Variants in NCAM2 observed in about 807,000 individuals in gnomAD.
NCAM2 encodes neural cell adhesion molecule 2.
NCAM2 carries 30 observed loss-of-function variants against 98.1 expected under a neutral mutation model. The ratio of observed to expected loss-of-function variants is 0.31; its 90% CI spans 0.23 to 0.41. The LOEUF is 0.41. Among genes scored for constraint, NCAM2 ranks in the 10% least tolerant of loss-of-function variants. The pLI, the probability that NCAM2 is intolerant of heterozygous loss-of-function variation, is 1.00. For missense variants in NCAM2, 867 were observed against 1,005.8 expected (o/e 0.86, Z 1.87); for synonymous variants, 368 against 342.4 (o/e 1.07, Z -0.83).
intron 1 of NCAM2, among the ~76,000 whole-genome samples, chr21:21,123,399 CAAA>C (rs35636443): frequency 1.4e-5 from 2 of 143,242 alleles, no homozygotes; most frequent in Non-Finnish European, 1.5e-5. Context: ...GACTCCCTCT[CAAA>C]AAAAAAAAAA....
At chr21:21,051,024 C>T (rs1020565263) in intron 1 of NCAM2, among the ~76,000 whole-genome samples, 1 of 152,126 alleles carries the variant, frequency 6.6e-6, no homozygotes, top group South Asian at 2.1e-4. Flanking sequence ...CACTTGGTGT[C>T]CACCGTGATA....
chr21:21,468,992 G>T (rs1404087759), intron 14 of NCAM2, among the ~76,000 whole-genome samples: 3 of 151,584 alleles, frequency 2.0e-5, no homozygotes, highest in African/African-American at 7.3e-5. Context: ...TATTCTCATG[G>T]TTTTCATCTT....
chr21:21,424,680 C>G (rs886265653), intron 11 of NCAM2, among the ~76,000 whole-genome samples: 2 of 151,930 alleles, frequency 1.3e-5, no homozygotes, highest in African/African-American at 4.8e-5. Context: ...ATGAGAAGAC[C>G]AGTGTTGGTA....
At chr21:21,524,637 G>A (rs1325298858) in intron 16 of NCAM2, among the ~76,000 whole-genome samples, 3 of 151,948 alleles carry the variant, frequency 2.0e-5, no homozygotes, top group Admixed American at 6.6e-5. Context: ...CAGTAAGGAC[G>A]TTGCTTAACC....
At chr21:21,188,288 A>C (rs996730525) in intron 1 of NCAM2, among the ~76,000 whole-genome samples, 1 of 152,182 alleles carries the variant, frequency 6.6e-6, no homozygotes, top group Non-Finnish European at 1.5e-5. Flanking sequence ...TGCAATAGAT[A>C]ATAAATACTT....
intron 1 of NCAM2, among the ~76,000 whole-genome samples, chr21:21,173,798 T>C (rs982552899): frequency 1.3e-5 from 2 of 152,218 alleles, no homozygotes; most frequent in Non-Finnish European, 2.9e-5. Flanking sequence ...TTTTTATCAA[T>C]GAGACCTTTG....
intron 1 of NCAM2, among the ~76,000 whole-genome samples, chr21:21,074,744 T>C (rs2065643693): frequency 1.3e-5 from 2 of 152,204 alleles, no homozygotes; most frequent in South Asian, 4.1e-4. Flanking sequence ...TCTTTTCTTC[T>C]TGTCTGGTCT....
At chr21:21,361,799 A>G (rs1045146570) in intron 8 of NCAM2, among the ~76,000 whole-genome samples, 2 of 152,042 alleles carry the variant, frequency 1.3e-5, no homozygotes, top group Non-Finnish European at 2.9e-5. Context: ...TTCTCCCTCA[A>G]TCATCCCATT....
chr21:21,185,586 G>T (rs1004986063), intron 1 of NCAM2, among the ~76,000 whole-genome samples: 2 of 152,108 alleles, frequency 1.3e-5, no homozygotes, highest in African/African-American at 4.8e-5. Context: ...ATCACTTTGA[G>T]AAATGGTTTA....
At chr21:21,123,397 CT>C in intron 1 of NCAM2, among the ~76,000 whole-genome samples, 1 of 16,190 alleles carries the variant, frequency 6.2e-5, no homozygotes, top group Non-Finnish European at 2.5e-4. Context: ...GAGACTCCCT[CT>C]CAAAAAAAAA....
At chr21:21,256,099 A>G (rs1027339145) in intron 1 of NCAM2, among the ~76,000 whole-genome samples, 3 of 152,194 alleles carry the variant, frequency 2.0e-5, no homozygotes, top group Non-Finnish European at 4.4e-5. Flanking sequence ...TCACGCCTGT[A>G]ATCCTAGCAC....
At chr21:21,456,894 C>G (rs958980829) in intron 12 of NCAM2, among the ~76,000 whole-genome samples, 1 of 152,096 alleles carries the variant, frequency 6.6e-6, no homozygotes, top group Non-Finnish European at 1.5e-5. Context: ...CATCAGCTGT[C>G]GAATCTGCTT....
chr21:21,318,789 G>T lies in NCAM2; in HGVS notation c.620-5594G>T, dbSNP rs992977895. Among the ~76,000 whole-genome samples, 16 of 152,122 alleles carry T rather than the reference G, an allele frequency of 1.1e-4. 2 individuals carry two copies. Among genetic ancestry groups the T allele is most frequent in the Admixed American group, 1.0e-3 (16 of 15,248 alleles). ...ATATTTGGCCAGGTGACTTATACTT[G>T]CCCAATAGTGTATCCACAGGGTTTG... On this transcript the variant is annotated intron_variant, in intron 5 of 17. Coordinates refer to ENST00000400546, the MANE Select transcript of NCAM2 (RefSeq NM_004540.5).
chr21:21,212,405 TGA>T (rs777652667), intron 1 of NCAM2, among the ~76,000 whole-genome samples: 21 of 152,206 alleles, frequency 1.4e-4, no homozygotes, highest in Non-Finnish European at 1.8e-4. Flanking sequence ...GAGGGGCAAG[TGA>T]GAAGGAAATG....
intron 12 of NCAM2, among the ~76,000 whole-genome samples, chr21:21,449,658 A>G (rs2197372): frequency 0.071 from 10,823 of 152,054 alleles, 606 homozygotes; most frequent in African/African-American, 0.15. Flanking sequence ...CTTACTATAA[A>G]CATTAAATAT....
chr21:21,125,128 G>T (rs2065684729), intron 1 of NCAM2, among the ~76,000 whole-genome samples: 1 of 151,832 alleles, frequency 6.6e-6, no homozygotes, highest in South Asian at 2.1e-4. Flanking sequence ...GAAATACTAT[G>T]TAACTCCGTA....
At chr21:21,085,650 G>A (rs749600736) in intron 1 of NCAM2, among the ~76,000 whole-genome samples, 5 of 152,112 alleles carry the variant, frequency 3.3e-5, no homozygotes, top group Non-Finnish European at 7.4e-5. Flanking sequence ...CTGCTAGGGT[G>A]TGAGTGATTA....
At chr21:21,524,654 G>A (rs1350691158) in intron 16 of NCAM2, among the ~76,000 whole-genome samples, 1 of 152,032 alleles carries the variant, frequency 6.6e-6, no homozygotes, top group African/African-American at 2.4e-5. Context: ...AACCAATCAA[G>A]TTCAATCAAC....
chr21:21,155,625 T>C (rs2146739637), intron 1 of NCAM2, among the ~76,000 whole-genome samples: 1 of 151,976 alleles, frequency 6.6e-6, no homozygotes, highest in South Asian at 2.1e-4. Context: ...CTTTAGTATA[T>C]GGTATGAGCT....
Sources: gnomAD v4.1 joint callset for allele counts (sites outside exome capture counted in the v4.1 genomes callset) on GRCh38, gnomAD v4.1.1 for gene constraint, MANE v1.5 for transcripts, NCBI Gene and HGNC (gene_info 2026-07-23, HGNC 2026-07-21) for gene names.